The following DYM variants were observed in gnomAD, a reference collection of about 807,000 sequenced individuals.
The protein encoded by DYM is dyggve-Melchior-Clausen syndrome protein.
In DYM, 78 loss-of-function variants were observed where a neutral mutation model predicts 93.1. That is an observed-to-expected ratio of 0.84 (90% CI 0.70 to 1.01). The LOEUF (loss-of-function observed/expected upper bound fraction) is 1.01. DYM is among the 50% of genes least tolerant of loss of function. DYM has a pLI of 0.00. For synonymous variants in DYM, 321 were observed against 319.7 expected (o/e 1.00, Z -0.04); for missense variants, 789 against 845.0 (o/e 0.93, Z 0.82).
At chr18:49,406,794 T>C (rs764045878) in intron 2 of DYM, among the ~76,000 whole-genome samples, 1 of 152,228 alleles carries the variant, frequency 6.6e-6, no homozygotes, top group South Asian at 2.1e-4. Flanking sequence ...CAATTTCCTA[T>C]AAGGCTAAAT....
intron 10 of DYM, among the ~76,000 whole-genome samples, chr18:49,277,453 G>A (rs1386357422): frequency 6.6e-6 from 1 of 152,186 alleles, no homozygotes; most frequent in Non-Finnish European, 1.5e-5. Flanking sequence ...CAAGGTATAT[G>A]TTTGTAGATA....
chr18:49,132,145 T>C (rs1048500471), intron 15 of DYM, among the ~76,000 whole-genome samples: 2 of 152,168 alleles, frequency 1.3e-5, no homozygotes, highest in Non-Finnish European at 1.5e-5. Flanking sequence ...TGAAAGAAAA[T>C]GTTATTATTT....
In DYM at chr18:49,363,254, A is replaced by AT. The variant is rs3840892; in HGVS notation, c.422-22dup. 0.18 allele frequency: 288,844 copies of AT among 1,572,342 alleles called. 24,926 individuals are homozygous for AT. The highest frequency in any genetic ancestry group is 0.26 in the East Asian group (11,458 of 44,142). On this transcript the variant is annotated intron_variant, in intron 5 of 17. Transcript: ENST00000675505. Reference sequence around the variant, plus strand: ...AGAACCTGGTAAGACACATAAAAAGATTTTTTTTTAACAAAGTACACAGTA... The same window carrying AT: ...AGAACCTGGTAAGACACATAAAAAGATTTTTTTTTTAACAAAGTACACAGTA...
chr18:49,390,359 G>A (rs2069086866), intron 3 of DYM, among the ~76,000 whole-genome samples: 1 of 152,004 alleles, frequency 6.6e-6, no homozygotes, highest in Non-Finnish European at 1.5e-5. Context: ...AAGCCCAGGA[G>A]ATCAAGGCTG....
intron 15 of DYM, among the ~76,000 whole-genome samples, chr18:49,132,087 C>T (rs1301026510): frequency 6.6e-6 from 1 of 151,954 alleles, no homozygotes; most frequent in Admixed American, 6.6e-5. Flanking sequence ...TAGATTATAC[C>T]TAGGAAATAT....
At chr18:49,340,668 G>T (rs1302796035) in intron 6 of DYM, among the ~76,000 whole-genome samples, 1 of 152,148 alleles carries the variant, frequency 6.6e-6, no homozygotes, top group East Asian at 1.9e-4. Context: ...CACATAAGAG[G>T]TTGGGGAACA....
intron 2 of DYM, among the ~76,000 whole-genome samples, chr18:49,414,781 C>A (rs1160110869): frequency 6.6e-6 from 1 of 152,172 alleles, no homozygotes; most frequent in African/African-American, 2.4e-5. Flanking sequence ...CCTCACTCCG[C>A]TTCGCTTTTC....
intron 2 of DYM, among the ~76,000 whole-genome samples, chr18:49,429,989 T>G (rs1399226049): frequency 6.6e-6 from 1 of 152,240 alleles, no homozygotes; most frequent in Non-Finnish European, 1.5e-5. Flanking sequence ...ATGGGATATA[T>G]GCTTAAGTAA....
intron 16 of DYM, among the ~76,000 whole-genome samples, chr18:49,116,665 G>A (rs2081953506): frequency 1.3e-5 from 2 of 152,172 alleles, no homozygotes; most frequent in Admixed American, 6.5e-5. Context: ...TCTCCCATGA[G>A]ATACCCCTCA....
chr18:49,422,872 T>C (rs1462999050), intron 2 of DYM, among the ~76,000 whole-genome samples: 5 of 152,114 alleles, frequency 3.3e-5, no homozygotes, highest in Admixed American at 2.6e-4. Flanking sequence ...ATGCACCCAA[T>C]ACAGGAGCAC....
At chr18:49,186,920 CTTTTTTT>C (rs57080617) in intron 14 of DYM, among the ~76,000 whole-genome samples, 1,495 of 117,856 alleles carry the variant, frequency 0.013, 28 homozygotes, top group African/African-American at 0.049. Context: ...ACACAATCTT[CTTTTTTT>C]TTTTTTTTTT....
chr18:49,140,222 G>A (rs1157180392), intron 15 of DYM, among the ~76,000 whole-genome samples: 9 of 152,012 alleles, frequency 5.9e-5, no homozygotes, highest in Admixed American at 5.9e-4. Flanking sequence ...ACACACAGTT[G>A]TCATCCTTTG....
rs373003503 is a variant in DYM, at chr18:49,131,605, C to A, written c.1729-12679G>T. The stretch of plus-strand genomic sequence containing the variant: ...TAACCTTAATTACTTCATTAAAGGT[C>A]CTGTCTCCAAACACAGTCTTATTGG... On this transcript the variant is annotated intron_variant, in intron 15 of 17. Coordinates refer to ENST00000675505, the MANE Select transcript of DYM (RefSeq NM_001353214.3). Among the ~76,000 whole-genome samples the A allele has an allele frequency of 3.3e-5, 5 of 152,264 alleles. No homozygotes were observed. The East Asian group carries it at 5.8e-4, about 18-fold the overall frequency.
rs1463466745 is a variant in DYM, at chr18:49,379,040, T to C, written c.288-340A>G. 2.6e-5 allele frequency among the ~76,000 whole-genome samples: 4 copies of C among 152,244 alleles called. No individual in the cohort carries two copies. The East Asian group carries it at 5.8e-4, about 22-fold the overall frequency. On this transcript the variant is annotated intron_variant, in intron 4 of 17. Coordinates refer to ENST00000675505, the MANE Select transcript of DYM (RefSeq NM_001353214.3). ...TACCAAAAAATTTAAAAAATTGTGG[T>C]AACATAAAAAGAATATATGCAAATA...
chr18:49,204,909 T>G (rs1783683993), intron 14 of DYM, among the ~76,000 whole-genome samples: 1 of 152,210 alleles, frequency 6.6e-6, no homozygotes, highest in African/African-American at 2.4e-5. Flanking sequence ...GGCTTATGGC[T>G]TCATAAAATG....
At chr18:49,423,394 A>T (rs1330520161) in intron 2 of DYM, among the ~76,000 whole-genome samples, 1 of 152,246 alleles carries the variant, frequency 6.6e-6, no homozygotes, top group Non-Finnish European at 1.5e-5. Context: ...CATTTAAAGC[A>T]GTGTGTAGAG....
At chr18:49,186,420 C>T (rs1942998) in intron 14 of DYM, among the ~76,000 whole-genome samples, 100,595 of 152,008 alleles carry the variant, frequency 0.66, 33,842 homozygotes, top group Non-Finnish European at 0.74. Flanking sequence ...TCCCTGTTGT[C>T]TTCTCCTAAA....
chr18:49,205,907 T>C (rs1169479878), intron 14 of DYM: 2 of 164,482 alleles, frequency 1.2e-5, no homozygotes, highest in Non-Finnish European at 2.6e-5. Context: ...AGGGTTGCTG[T>C]GAAACGAATT....
chr18:49,073,970 C>G (rs943387259), intron 17 of DYM, among the ~76,000 whole-genome samples: 3 of 152,102 alleles, frequency 2.0e-5, no homozygotes, highest in African/African-American at 7.2e-5. Context: ...AATTTGGTAT[C>G]AAAACGTTAA....
Sources: allele counts gnomAD v4.1 joint callset (sites outside exome capture counted in the v4.1 genomes callset), GRCh38; gene constraint gnomAD v4.1.1; transcripts MANE v1.5; gene names NCBI Gene and HGNC (gene_info 2026-07-23, HGNC 2026-07-21).